The following CFAP90 variants were observed in gnomAD, a reference collection of about 807,000 sequenced individuals.
CFAP90 encodes cilia and flagella associated protein 90.
the CFAP90 span, among the ~76,000 whole-genome samples, chr5:7,833,212 G>A: frequency 6.6e-6 from 1 of 152,166 alleles, no homozygotes; most frequent in African/African-American, 2.4e-5. Context: ...AAAAGATAGA[G>A]GAGAGCTGCA....
At chr5:7,831,882 C>T in the CFAP90 span, 3 of 1,613,758 alleles carry the variant, frequency 1.9e-6, no homozygotes, top group South Asian at 1.1e-5. Context: ...AAGCCGGGTT[C>T]CTTGAGGCTG....
chr5:7,835,143 C>A, the CFAP90 span, among the ~76,000 whole-genome samples: 2 of 152,054 alleles, frequency 1.3e-5, no homozygotes, highest in Non-Finnish European at 2.9e-5. Flanking sequence ...ATGTACAGAT[C>A]CTAATTTGTA....
At chr5:7,835,703 G>C in the CFAP90 span, among the ~76,000 whole-genome samples, 1 of 152,132 alleles carries the variant, frequency 6.6e-6, no homozygotes, top group African/African-American at 2.4e-5. Context: ...AGAGAAGTTT[G>C]CTGAGAGGCC....
At chr5:7,839,889 G>A in the CFAP90 span, among the ~76,000 whole-genome samples, 9 of 152,184 alleles carry the variant, frequency 5.9e-5, no homozygotes, top group African/African-American at 2.2e-4. Context: ...AGGCAGCCTC[G>A]CTTTGAAATG....
the CFAP90 span, among the ~76,000 whole-genome samples, chr5:7,839,873 G>A: frequency 6.6e-6 from 1 of 152,304 alleles, no homozygotes; most frequent in Admixed American, 6.5e-5. Context: ...AAATTCATCA[G>A]CAGGCAGGCA....
chr5:7,839,327 G>A, the CFAP90 span, among the ~76,000 whole-genome samples: 1 of 152,152 alleles, frequency 6.6e-6, no homozygotes, highest in Non-Finnish European at 1.5e-5. Context: ...AGAGTGGATG[G>A]CACGAACAGC....
chr5:7,833,805 A>G, the CFAP90 span, among the ~76,000 whole-genome samples: 47 of 152,294 alleles, frequency 3.1e-4, no homozygotes, highest in East Asian at 8.1e-3. Context: ...TGCCATGAAA[A>G]TGTCAAAACC....
chr5:7,844,208 G>T, the CFAP90 span, among the ~76,000 whole-genome samples: 1 of 152,264 alleles, frequency 6.6e-6, no homozygotes, highest in South Asian at 2.1e-4. Flanking sequence ...CCAGGGGCAG[G>T]TCACTGGAGA....
chr5:7,848,036 T>C, the CFAP90 span, among the ~76,000 whole-genome samples: 11 of 152,230 alleles, frequency 7.2e-5, no homozygotes, highest in Non-Finnish European at 1.3e-4. Context: ...TTTTCCACTG[T>C]TTATCTCATG....
the CFAP90 span, among the ~76,000 whole-genome samples, chr5:7,834,713 AAT>A: frequency 6.6e-6 from 1 of 152,178 alleles, no homozygotes; most frequent in Non-Finnish European, 1.5e-5. Context: ...TAGATACAAA[AAT>A]ACTTAGCATT....
the CFAP90 span, among the ~76,000 whole-genome samples, chr5:7,847,531 T>G: frequency 4.6e-5 from 7 of 152,162 alleles, no homozygotes; most frequent in African/African-American, 1.7e-4. Flanking sequence ...TCTACACAGC[T>G]CTCTGCGGTA....
the CFAP90 span, among the ~76,000 whole-genome samples, chr5:7,842,620 G>A: frequency 6.6e-6 from 1 of 152,072 alleles, no homozygotes; most frequent in Non-Finnish European, 1.5e-5. Flanking sequence ...CCTAGTAATA[G>A]TGAAACCATG....
the CFAP90 span, chr5:7,851,113 G>C: frequency 8.2e-7 from 1 of 1,216,206 alleles, no homozygotes; most frequent in Non-Finnish European, 1.0e-6. Flanking sequence ...GTTGCTCAGC[G>C]CCAGCGTCTA....
the CFAP90 span, chr5:7,835,537 GA>G: frequency 7.9e-7 from 1 of 1,270,190 alleles, no homozygotes; most frequent in Admixed American, 1.9e-5. Context: ...GGGTTAATTT[GA>G]AGGCTGGGTC....
the CFAP90 span, chr5:7,850,981 C>G: frequency 5.4e-6 from 7 of 1,303,958 alleles, no homozygotes; most frequent in Non-Finnish European, 6.8e-6. Context: ...GGGCTTGCCC[C>G]GCAGCGTGGA....
chr5:7,835,503 G>GA, the CFAP90 span: 466,380 of 1,453,592 alleles, frequency 0.32, 76,139 homozygotes, highest in Admixed American at 0.5. Flanking sequence ...TCCTGTCTAG[G>GA]AAAAAAAAGA....
chr5:7,842,936 C>T, the CFAP90 span, among the ~76,000 whole-genome samples: 1 of 152,306 alleles, frequency 6.6e-6, no homozygotes, highest in Admixed American at 6.5e-5. Flanking sequence ...AGCTCCAGCA[C>T]ACCGGCGGTT....
the CFAP90 span, among the ~76,000 whole-genome samples, chr5:7,838,145 GT>G: frequency 6.6e-6 from 1 of 152,238 alleles, no homozygotes; most frequent in African/African-American, 2.4e-5. Context: ...CAATTGGCTA[GT>G]TTTTTGGACC....
chr5:7,835,537 G>A, the CFAP90 span: 1 of 1,270,190 alleles, frequency 7.9e-7, no homozygotes, highest in Admixed American at 1.9e-5. Flanking sequence ...GGGTTAATTT[G>A]AAGGCTGGGT....
Sources: allele counts gnomAD v4.1 joint callset (sites outside exome capture counted in the v4.1 genomes callset), GRCh38; gene constraint gnomAD v4.1.1; transcripts MANE v1.5; gene names NCBI Gene and HGNC (gene_info 2026-07-23, HGNC 2026-07-21).